The following MEGF11 variants were observed in gnomAD, a reference collection of about 807,000 sequenced individuals.
The protein encoded by MEGF11 is multiple epidermal growth factor-like domains protein 11.
A neutral mutation model predicts 146.6 loss-of-function variants in MEGF11; 126 were observed. The ratio of observed to expected loss-of-function variants is 0.86; its 90% CI spans 0.74 to 1.00. MEGF11 has a LOEUF of 1.00. Ranked by LOEUF, MEGF11 falls within the 50% of genes least tolerant of loss-of-function variation. MEGF11 has a pLI of 0.00. For missense variants in MEGF11, 1,509 were observed against 1,521.2 expected, an observed-to-expected ratio of 0.99 and a Z score of 0.13; for synonymous variants, 532 against 583.4, an observed-to-expected ratio of 0.91 and a Z score of 1.27.
intron 5 of MEGF11, among the ~76,000 whole-genome samples, chr15:66,008,413 A>G (rs1292119576): frequency 4.5e-4 from 28 of 62,108 alleles, no homozygotes; most frequent in African/African-American, 1.6e-3. Context: ...GCGCGCGCGC[A>G]CACACACACA....
At chr15:66,250,456 C>T (rs1337569629) in intron 1 of MEGF11, among the ~76,000 whole-genome samples, 1 of 152,230 alleles carries the variant, frequency 6.6e-6, no homozygotes, top group Non-Finnish European at 1.5e-5. Context: ...ATGTCAGCAT[C>T]ACAAGGTATG....
At chr15:66,230,318 C>T (rs1319462098) in intron 1 of MEGF11, among the ~76,000 whole-genome samples, 3 of 152,190 alleles carry the variant, frequency 2.0e-5, no homozygotes, top group South Asian at 4.1e-4. Context: ...GTTTTTCAAA[C>T]CTTCTGTCTT....
At chr15:66,235,707 TG>T (rs1183404958) in intron 1 of MEGF11, among the ~76,000 whole-genome samples, 2 of 152,108 alleles carry the variant, frequency 1.3e-5, no homozygotes, top group Non-Finnish European at 2.9e-5. Flanking sequence ...CAGAAGAGCC[TG>T]GGTCCTCCTA....
At chr15:65,936,346 T>C (rs906798116) in intron 10 of MEGF11, among the ~76,000 whole-genome samples, 13 of 152,228 alleles carry the variant, frequency 8.5e-5, no homozygotes, top group African/African-American at 3.1e-4. Context: ...TCTGATTGCA[T>C]TCATGTCTAG....
intron 5 of MEGF11, among the ~76,000 whole-genome samples, chr15:66,021,980 A>G (rs2083153502): frequency 6.6e-6 from 1 of 152,184 alleles, no homozygotes; most frequent in Non-Finnish European, 1.5e-5. Context: ...AGGGAGGAAC[A>G]AGCCATGTGA....
intron 1 of MEGF11, among the ~76,000 whole-genome samples, chr15:66,230,046 G>A (rs33998102): frequency 0.28 from 42,008 of 152,084 alleles, 6,193 homozygotes; most frequent in Non-Finnish European, 0.35. Flanking sequence ...ATTCACAAAG[G>A]TCCAGAATCT....
intron 1 of MEGF11, among the ~76,000 whole-genome samples, chr15:66,200,356 G>A (rs2091123399): frequency 1.3e-5 from 2 of 152,210 alleles, no homozygotes; most frequent in South Asian, 4.1e-4. Flanking sequence ...ATGAGAGCTT[G>A]TACTGTAAAC....
intron 4 of MEGF11, among the ~76,000 whole-genome samples, chr15:66,111,957 T>C (rs1328384815): frequency 1.3e-5 from 2 of 151,096 alleles, no homozygotes; most frequent in Admixed American, 1.3e-4. Flanking sequence ...GCTACCAAAG[T>C]AAAGGGTGAT....
At chr15:65,932,272 G>C (rs1280905111) in intron 10 of MEGF11, among the ~76,000 whole-genome samples, 2 of 152,158 alleles carry the variant, frequency 1.3e-5, no homozygotes, top group African/African-American at 4.8e-5. Context: ...GATGGGGGAA[G>C]GGGCCATGAC....
chr15:66,145,910 G>A (rs980256897), intron 1 of MEGF11, among the ~76,000 whole-genome samples: 1 of 152,080 alleles, frequency 6.6e-6, no homozygotes, highest in Admixed American at 6.5e-5. Context: ...AATTACACAC[G>A]GTATCTGGAA....
intron 1 of MEGF11, among the ~76,000 whole-genome samples, chr15:66,212,216 T>C (rs1005177975): frequency 7.9e-5 from 12 of 151,842 alleles, no homozygotes; most frequent in African/African-American, 2.9e-4. Flanking sequence ...AAGGGACGGG[T>C]GTCAGGGAGC....
At chr15:66,073,217 G>C (rs1331993421) in intron 5 of MEGF11, among the ~76,000 whole-genome samples, 1 of 152,200 alleles carries the variant, frequency 6.6e-6, no homozygotes, top group South Asian at 2.1e-4. Context: ...TCTGGTGTGA[G>C]GAATTTACTG....
intron 5 of MEGF11, among the ~76,000 whole-genome samples, chr15:66,025,934 A>G (rs1163125616): frequency 6.6e-6 from 1 of 152,226 alleles, no homozygotes; most frequent in Admixed American, 6.5e-5. Context: ...TAAAAGGAGA[A>G]AAGGGCAGGG....
At chr15:66,112,483 G>T (rs1190071060) in intron 4 of MEGF11, among the ~76,000 whole-genome samples, 1 of 152,178 alleles carries the variant, frequency 6.6e-6, no homozygotes, top group Non-Finnish European at 1.5e-5. Context: ...ACTTAGGAGA[G>T]ACAGAAGATG....
At chr15:66,134,611 G>T (rs1206548271) in intron 1 of MEGF11, among the ~76,000 whole-genome samples, 2 of 152,240 alleles carry the variant, frequency 1.3e-5, no homozygotes, top group African/African-American at 4.8e-5. Context: ...AGACAAGTCA[G>T]CCTCCCAGGG....
chr15:65,906,291 GT>G lies in MEGF11; in HGVS notation c.2999-151del, dbSNP rs1748841961. The G allele has an allele frequency of 4.2e-5, 26 of 619,596 alleles. No individual in the cohort carries two copies. The South Asian group carries it at 5.5e-4, about 13-fold the overall frequency. 38.4% of individuals were successfully genotyped at this position (619,596 alleles called of 1,614,324 possible). On this transcript the variant is annotated intron_variant, in intron 23 of 25. Transcript: ENST00000395614. ...TTATTGCTAGAAAATGATTCTGGGG[GT>G]TTAATCTACCTGAAATTGTTTTGAT...
chr15:66,035,877 T>C lies in MEGF11; in HGVS notation c.395-53389A>G, dbSNP rs1057514236. On this transcript the variant is annotated intron_variant, in intron 5 of 25. Transcript: ENST00000395614. ...TATCAATATATATTATAGTTTTGCA[T>C]GTTTTTAAGCTTCACATCTACGGGT... Among the ~76,000 whole-genome samples, 24 of 152,358 alleles carry C rather than the reference T, an allele frequency of 1.6e-4. 1 individual carries two copies. Among genetic ancestry groups the C allele is most frequent in the African/African-American group, 5.8e-4 (24 of 41,582 alleles).
At chr15:66,020,558 C>T (rs904609382) in intron 5 of MEGF11, among the ~76,000 whole-genome samples, 1 of 152,182 alleles carries the variant, frequency 6.6e-6, no homozygotes, top group South Asian at 2.1e-4. Flanking sequence ...GTATCTGAAG[C>T]CTGTCTTTCC....
chr15:65,958,047 G>A (rs960429115), intron 9 of MEGF11, among the ~76,000 whole-genome samples: 5 of 152,206 alleles, frequency 3.3e-5, no homozygotes, highest in African/African-American at 7.2e-5. Context: ...AAAATGGAGA[G>A]TGGCCTTTTA....
Sources: gnomAD v4.1 joint callset for allele counts (sites outside exome capture counted in the v4.1 genomes callset) on GRCh38, gnomAD v4.1.1 for gene constraint, MANE v1.5 for transcripts, NCBI Gene and HGNC (gene_info 2026-07-23, HGNC 2026-07-21) for gene names.